The following HDAC7 variants were observed in gnomAD, a reference collection of about 807,000 sequenced individuals.
HDAC7 encodes the protein histone deacetylase 7, also known as histone deacetylase 7A.
In HDAC7, 26 loss-of-function variants were observed where a neutral mutation model predicts 115.5. That is an observed-to-expected ratio of 0.23 (90% CI 0.16 to 0.31). The LOEUF (loss-of-function observed/expected upper bound fraction) is 0.31. HDAC7 is among the 10% of genes least tolerant of loss of function. The pLI, the probability that HDAC7 is intolerant of heterozygous loss-of-function variation, is 1.00. For missense variants in HDAC7, 1,068 were observed against 1,329.0 expected (o/e 0.80, Z 3.05); for synonymous variants, 564 against 550.9 (o/e 1.02, Z -0.33).
At chr12:47,818,784 G>C (rs1267445479) in intron 1 of HDAC7, among the ~76,000 whole-genome samples, 1 of 152,240 alleles carries the variant, frequency 6.6e-6, no homozygotes, top group African/African-American at 2.4e-5. Flanking sequence ...AGATGCAGGG[G>C]GAGGCCTTTG....
chr12:47,792,565 T>C (rs902098424), intron 13 of HDAC7: 6 of 450,252 alleles, frequency 1.3e-5, no homozygotes, highest in African/African-American at 6.0e-5. Flanking sequence ...AGGAGGGTCC[T>C]GCTCATTGCG....
chr12:47,796,365 G>A (rs775243434), intron 7 of HDAC7, 67 bp from the exon 8 acceptor site: 98 of 1,192,054 alleles, frequency 8.2e-5, no homozygotes, highest in Non-Finnish European at 1.0e-4. Flanking sequence ...CAGCCAGGCC[G>A]CCTGGTGCAG....
chr12:47,809,876 T>A (rs563854632), intron 1 of HDAC7, among the ~76,000 whole-genome samples: 1 of 152,078 alleles, frequency 6.6e-6, no homozygotes, highest in Non-Finnish European at 1.5e-5. Flanking sequence ...AGGCCCCCAC[T>A]AAACATTTTA....
Position 47,797,195 on chromosome 12 carries a change from C to T in HDAC7, c.578-53G>A. On this transcript the variant is annotated intron_variant, in intron 6 of 25. Coordinates refer to ENST00000080059, the MANE Select transcript of HDAC7 (RefSeq NM_015401.5). This position sits in a 1 kb window ranked among gnomAD's most constrained non-coding sequence, Gnocchi z 5.5. ...CCCCCACCACCCTTCTTTTTTCCACCCTTTAACCCCTCAGTCCCAGTCATC... is the reference window on the plus strand; with the variant it reads ...CCCCCACCACCCTTCTTTTTTCCACTCTTTAACCCCTCAGTCCCAGTCATC... 6.4e-7 allele frequency: 1 copy of T among 1,559,320 alleles called. No homozygotes were observed. Among genetic ancestry groups the T allele is most frequent in the Non-Finnish European group, 8.7e-7 (1 of 1,151,862 alleles).
chr12:47,798,408 A>G lies in HDAC7; in HGVS notation c.349+154T>C, dbSNP rs1943986311. 6.9e-6 allele frequency among the ~76,000 whole-genome samples: 1 copy of G among 145,410 alleles called. No individual in the cohort carries two copies. Among genetic ancestry groups the G allele is most frequent in the Non-Finnish European group, 1.5e-5 (1 of 66,300 alleles). ...CACCCCCCACCCCCACATCCCCCAC[A>G]CATTCACAGGCAGAGCCCAGGCAAG... is the stretch of plus-strand genomic sequence containing the variant. On this transcript the variant is annotated intron_variant, in intron 4 of 25. Transcript: ENST00000080059. This position sits in a 1 kb window ranked among gnomAD's most constrained non-coding sequence, Gnocchi z 4.3.
intron 20 of HDAC7, 41 bp downstream of exon 20, chr12:47,788,004 G>T: frequency 6.3e-7 from 1 of 1,595,848 alleles, no homozygotes; most frequent in Non-Finnish European, 8.6e-7. Context: ...GTCAGGAGGA[G>T]GTCAATGAGG....
rs1018440626 is a variant in HDAC7 at position 47,784,734 on chromosome 12, G to T, written c.2792-517C>A. 5.2e-6 allele frequency: 8 copies of T among 1,535,472 alleles called. No homozygotes were observed. The African/African-American group carries it at 8.2e-5, about 16-fold the overall frequency. ...CTCTGCATGGGTGCCCAGGCCAGGA[G>T]AATGCTCCTCCTGCCTGCTGCTGTG... On this transcript the variant is annotated intron_variant, in intron 24 of 25. Coordinates refer to ENST00000080059, the MANE Select transcript of HDAC7 (RefSeq NM_015401.5).
In HDAC7 at chr12:47,793,067, CA is replaced by C; in HGVS notation, c.1678+301del. 1 of 381,086 alleles carries C rather than the reference CA, an allele frequency of 2.6e-6. No individual in the cohort carries two copies. Among genetic ancestry groups the C allele is most frequent in the Non-Finnish European group, 4.7e-6 (1 of 212,070 alleles). 23.6% of individuals were successfully genotyped at this position (381,086 alleles called of 1,614,324 possible). On this transcript the variant is annotated intron_variant, in intron 13 of 25. Coordinates refer to ENST00000080059, the MANE Select transcript of HDAC7 (RefSeq NM_015401.5). The surrounding 1 kb of genome is among the most constrained non-coding windows in gnomAD (Gnocchi z 4.5). ...TGAGCTCTTTTTACAAGCAGAGCAA[CA>C]GTAATAAATATCATTTTTTAAAAGG...
rs953162544 is a variant in HDAC7, at chr12:47,784,723, C to G, written c.2792-506G>C. ...CACCACGGCCGCTCTGCATGGGTGC[C>G]CAGGCCAGGAGAATGCTCCTCCTGC... On this transcript the variant is annotated intron_variant, in intron 24 of 25. Transcript: ENST00000080059. 2.6e-6 allele frequency: 4 copies of G among 1,535,348 alleles called. No individual in the cohort carries two copies. In the African/African-American group the frequency reaches 4.1e-5, roughly 16 times the overall value.
rs150932761 is a variant in HDAC7, at chr12:47,814,463, G to A, written c.19+5304C>T. Reference sequence around the variant, plus strand: ...TGGCGGAGAAGGGAAGGAGGTGGGAGGAAGGTGAAACAGGAGAGCTCCTGG... The same window carrying A: ...TGGCGGAGAAGGGAAGGAGGTGGGAAGAAGGTGAAACAGGAGAGCTCCTGG... On this transcript the variant is annotated intron_variant, in intron 1 of 25. Transcript: ENST00000080059. Among the ~76,000 whole-genome samples, 973 of 152,352 alleles carry A rather than the reference G, an allele frequency of 6.4e-3. 8 individuals are homozygous for A. Among genetic ancestry groups the A allele is most frequent in the African/African-American group, 0.021 (888 of 41,576 alleles).
chr12:47,785,873 A>G lies in HDAC7; in HGVS notation c.2585T>C (p.Met862Thr), dbSNP rs1943147292. ...YHVSAKCFGY[M>T]TQQLMNLAGG... ...TGCCAGGTTCATCAGTTGCTGCGTC[A>G]TGTATCCAAAACCTAGAGGTTGGGA... Residue 862 changes from methionine (M) to threonine (T), a missense_variant, in exon 23 of 26, where the codon ATG becomes ACG. Met to Thr is a moderately conservative substitution (Grantham distance 81). Around this residue, in one of 6 missense-constraint regions of HDAC7, gnomAD observed 182 missense variants for 301.1 expected, o/e 0.60. Coordinates refer to ENST00000080059, the MANE Select transcript of HDAC7 (RefSeq NM_015401.5). The G allele has an allele frequency of 6.2e-7, 1 of 1,605,710 alleles. No homozygotes were observed. The highest frequency in any genetic ancestry group is 1.7e-5 in the Admixed American group (1 of 59,278).
chr12:47,786,932 A>G (rs1943201145), intron 21 of HDAC7, among the ~76,000 whole-genome samples: 2 of 152,228 alleles, frequency 1.3e-5, no homozygotes, highest in Admixed American at 6.5e-5. Flanking sequence ...AGAGGCAGAA[A>G]GGAGCCAAGG....
At chr12:47,789,763 A>G (rs775260973) in intron 17 of HDAC7, 50 bp downstream of exon 17, 5 of 1,473,180 alleles carry the variant, frequency 3.4e-6, no homozygotes, top group Non-Finnish European at 3.8e-6. Flanking sequence ...CCACTACCCC[A>G]CTCTGCTTCC....
At chr12:47,807,639 GA>G (rs1022168263) in intron 1 of HDAC7, among the ~76,000 whole-genome samples, 8 of 149,946 alleles carry the variant, frequency 5.3e-5, no homozygotes, top group African/African-American at 1.5e-4. Flanking sequence ...CAGAAAGATG[GA>G]AAAAAAAAAT....
chr12:47,799,994 G>A (rs1383437491), intron 2 of HDAC7, among the ~76,000 whole-genome samples: 2 of 152,202 alleles, frequency 1.3e-5, no homozygotes, highest in African/African-American at 2.4e-5. Context: ...CTCCCAGTGG[G>A]GCAGCCACAG....
chr12:47,805,779 GC>G (rs1944375750), intron 1 of HDAC7, among the ~76,000 whole-genome samples: 1 of 152,198 alleles, frequency 6.6e-6, no homozygotes, highest in African/African-American at 2.4e-5. Flanking sequence ...CAGCCACCCA[GC>G]CAGCCAGTGG....
chr12:47,800,456 G>A (rs1002421071), intron 2 of HDAC7, among the ~76,000 whole-genome samples: 6 of 152,268 alleles, frequency 3.9e-5, no homozygotes, highest in South Asian at 4.1e-4. Flanking sequence ...GGAGGTGCCC[G>A]CCATGTCCCC....
intron 2 of HDAC7, among the ~76,000 whole-genome samples, chr12:47,799,560 C>T (rs1229513660): frequency 2.0e-5 from 3 of 152,240 alleles, no homozygotes; most frequent in Middle Eastern, 6.3e-3. Flanking sequence ...TGACCGGCCA[C>T]GTTGGGCCTG....
In HDAC7 at chr12:47,819,781, T is replaced by C; in HGVS notation, c.5A>G (p.His2Arg). The change falls in exon 1 of 26, where the codon CAC (histidine) becomes CGC (arginine). Residue 2 changes from histidine (H) to arginine (R), a missense_variant. His to Arg is a conservative substitution (Grantham distance 29, BLOSUM62 0). Around this residue, in one of 6 missense-constraint regions of HDAC7, gnomAD observed 161 missense variants for 158.5 expected, o/e 1.02. Coordinates refer to ENST00000080059, the MANE Select transcript of HDAC7 (RefSeq NM_015401.5). Reference protein sequence around the residue: MHSPGADGTQVS... With the variant: MRSPGADGTQVS... ...CCAGTACTCACCAGCGCCGGGGCTG[T>C]GCATCCAGGGGCCGGGGCCCTCAGA... The C allele has an allele frequency of 4.2e-6, 3 of 713,464 alleles. No individual in the cohort carries two copies. The highest frequency in any genetic ancestry group is 3.4e-6 in the Non-Finnish European group (2 of 586,862). The allele number at this position is 713,464 out of a possible 1,614,324, so 44.2% of individuals were successfully genotyped here.
Sources: allele counts gnomAD v4.1 joint callset (sites outside exome capture counted in the v4.1 genomes callset), GRCh38; gene constraint gnomAD v4.1.1; regional missense constraint gnomAD v4.1.1; non-coding constraint Gnocchi (gnomAD v3.1); transcripts MANE v1.5; gene names NCBI Gene and HGNC (gene_info 2026-07-23, HGNC 2026-07-21).